The following TENM4 variants were observed in gnomAD, a reference collection of about 807,000 sequenced individuals.
TENM4 encodes teneurin-4.
In TENM4, 82 loss-of-function variants were observed where a neutral mutation model predicts 243.3. The observed-to-expected ratio is 0.34, with a 90% CI of 0.28 to 0.40. TENM4 has a LOEUF of 0.40. Among genes scored for constraint, TENM4 ranks in the 10% least tolerant of loss-of-function variants. The pLI is 1.00. For synonymous variants in TENM4, 1,412 were observed against 1,456.3 expected, an observed-to-expected ratio of 0.97 and a Z score of 0.69; for missense variants, 3,138 against 3,673.3, an observed-to-expected ratio of 0.85 and a Z score of 3.77.
intron 4 of TENM4, among the ~76,000 whole-genome samples, chr11:79,137,648 C>T (rs146631813): frequency 1.2e-3 from 188 of 152,296 alleles, no homozygotes; most frequent in Non-Finnish European, 2.3e-3. Context: ...GTTAAAAACA[C>T]GTCTGCGCAT....
chr11:79,038,418 TCTC>T (rs1859440174), intron 6 of TENM4, among the ~76,000 whole-genome samples: 1 of 152,216 alleles, frequency 6.6e-6, no homozygotes, highest in Admixed American at 6.5e-5. Context: ...TGTCTGTACT[TCTC>T]CTTCTTACCT....
chr11:79,437,682 G>GGGCGAGGGAGCTGGGA (rs1245977710), intron 1 of TENM4, among the ~76,000 whole-genome samples: 1 of 152,198 alleles, frequency 6.6e-6, no homozygotes, highest in Non-Finnish European at 1.5e-5. Flanking sequence ...CGAGGGGCTG[G>GGGCGAGGGAGCTGGGA]GGCGAGGGAG....
At chr11:78,689,535 T>C (rs1394849701) in intron 28 of TENM4, among the ~76,000 whole-genome samples, 2 of 151,888 alleles carry the variant, frequency 1.3e-5, no homozygotes, top group African/African-American at 4.8e-5. Context: ...TGGGTTCCTG[T>C]GAGGGTTTTC....
intron 30 of TENM4, among the ~76,000 whole-genome samples, chr11:78,675,136 G>C (rs1009323725): frequency 7.2e-5 from 11 of 152,052 alleles, no homozygotes; most frequent in Admixed American, 2.0e-4. Context: ...CAAAGTGCTG[G>C]GATTACAGGT....
At chr11:79,117,083 C>T (rs1861638441) in intron 4 of TENM4, among the ~76,000 whole-genome samples, 1 of 152,172 alleles carries the variant, frequency 6.6e-6, no homozygotes, top group South Asian at 2.1e-4. Context: ...CTGTTCAATT[C>T]ACTGTGATGA....
intron 2 of TENM4, among the ~76,000 whole-genome samples, chr11:79,239,661 A>C (rs1776740394): frequency 6.6e-6 from 1 of 152,184 alleles, no homozygotes; most frequent in African/African-American, 2.4e-5. Flanking sequence ...AAAAGAAACT[A>C]ACAGTCGTTT....
intron 4 of TENM4, among the ~76,000 whole-genome samples, chr11:79,104,172 G>T (rs1861303483): frequency 6.6e-6 from 1 of 152,000 alleles, no homozygotes. Flanking sequence ...TTTCTTCCCA[G>T]CACTTATCAG....
chr11:79,406,715 C>A (rs1403604487), intron 1 of TENM4, among the ~76,000 whole-genome samples: 1 of 152,062 alleles, frequency 6.6e-6, no homozygotes, highest in Non-Finnish European at 1.5e-5. Flanking sequence ...CTAAGCCTGG[C>A]AGCAAAGCAG....
At position 78,797,183 on chromosome 11, in the gene TENM4, G is replaced by C. The variant is rs866381741; in HGVS notation, c.2179+8109C>G. On this transcript the variant is annotated intron_variant, in intron 15 of 33. Transcript: ENST00000278550. The stretch of plus-strand genomic sequence containing the variant: ...CTGGAAGTGAATCATTGTTTTCTCA[G>C]AGTGTCTTTGAGCAAGTCACGCAAG... Among the ~76,000 whole-genome samples, 40 of 152,280 alleles carry C rather than the reference G, an allele frequency of 2.6e-4. 2 individuals are homozygous for C. In the Middle Eastern group the frequency reaches 0.027, roughly 104 times the overall value.
intron 6 of TENM4, among the ~76,000 whole-genome samples, chr11:78,907,668 G>A (rs112855290): frequency 2.3e-4 from 35 of 152,098 alleles, no homozygotes; most frequent in African/African-American, 8.0e-4. Flanking sequence ...TATCCCCAGC[G>A]TCCGCACAGA....
chr11:78,878,914 T>A (rs758161001), intron 9 of TENM4, among the ~76,000 whole-genome samples: 3 of 152,240 alleles, frequency 2.0e-5, no homozygotes, highest in Non-Finnish European at 2.9e-5. Context: ...AATGATACAG[T>A]AATAGCACAA....
Position 78,658,285 on chromosome 11 carries a change from G to T in TENM4, c.8083C>A (p.Arg2695=), listed in dbSNP as rs758799184. The change falls in exon 34 of 34, where the codon CGG becomes AGG. Residue 2695 remains arginine (R), a synonymous_variant. Coordinates refer to ENST00000278550, the MANE Select transcript of TENM4 (RefSeq NM_001098816.3). Reference sequence around the variant, plus strand: ...CACGCTTGGCGCACGGCTCTCTGCCGGGCCAGCTCCAGGACCCGTGCCTTC... The same window carrying T: ...CACGCTTGGCGCACGGCTCTCTGCCTGGCCAGCTCCAGGACCCGTGCCTTC... ...EEKARVLELA[R]QRAVRQAWAR... is the part of the protein sequence containing the mutation. The T allele has an allele frequency of 8.7e-6, 14 of 1,612,716 alleles. No homozygotes were observed. The highest frequency in any genetic ancestry group is 2.2e-5 in the South Asian group (2 of 91,038).
At chr11:78,860,395 C>T (rs1211983803) in intron 10 of TENM4, among the ~76,000 whole-genome samples, 1 of 152,216 alleles carries the variant, frequency 6.6e-6, no homozygotes, top group African/African-American at 2.4e-5. Flanking sequence ...TCAGGATTAA[C>T]ATCCTATACT....
intron 6 of TENM4, among the ~76,000 whole-genome samples, chr11:79,027,602 G>A (rs1859113854): frequency 6.6e-6 from 1 of 152,192 alleles, no homozygotes; most frequent in South Asian, 2.1e-4. Flanking sequence ...GTGCATTGGT[G>A]CAAATGATTT....
chr11:79,082,247 T>C (rs1435916965), intron 4 of TENM4, among the ~76,000 whole-genome samples: 1 of 152,102 alleles, frequency 6.6e-6, no homozygotes, highest in African/African-American at 2.4e-5. Context: ...GAGCCAACCC[T>C]CTCCCTTGGC....
At chr11:78,839,028 T>C (rs1858188897) in intron 12 of TENM4, among the ~76,000 whole-genome samples, 1 of 152,238 alleles carries the variant, frequency 6.6e-6, no homozygotes, top group Non-Finnish European at 1.5e-5. Context: ...CTGGTAATAT[T>C]TGTAGTACTT....
chr11:79,380,764 G>C (rs183711722), intron 1 of TENM4, among the ~76,000 whole-genome samples: 1 of 152,130 alleles, frequency 6.6e-6, no homozygotes, highest in Admixed American at 6.5e-5. Context: ...CATCAAATTC[G>C]TTTCATTCTT....
intron 6 of TENM4, among the ~76,000 whole-genome samples, chr11:78,983,984 G>A (rs1261650212): frequency 6.6e-6 from 1 of 152,166 alleles, no homozygotes; most frequent in Non-Finnish European, 1.5e-5. Flanking sequence ...GTCTGTCAAG[G>A]GTCATGTGGA....
intron 1 of TENM4, among the ~76,000 whole-genome samples, chr11:79,428,344 A>G (rs1859097805): frequency 6.6e-6 from 1 of 152,248 alleles, no homozygotes; most frequent in Non-Finnish European, 1.5e-5. Context: ...TTATTGTCTA[A>G]GAGATGTAAA....
Sources: gnomAD v4.1 joint callset for allele counts (sites outside exome capture counted in the v4.1 genomes callset) on GRCh38, gnomAD v4.1.1 for gene constraint, MANE v1.5 for transcripts, NCBI Gene and HGNC (gene_info 2026-07-23, HGNC 2026-07-21) for gene names.